The following MAGI2 variants were observed in gnomAD, a reference collection of about 807,000 sequenced individuals.
MAGI2 encodes the protein membrane-associated guanylate kinase, WW and PDZ domain-containing protein 2.
In MAGI2, 35 loss-of-function variants were observed where a neutral mutation model predicts 133.3. The ratio of observed to expected loss-of-function variants is 0.26; its 90% confidence interval spans 0.20 to 0.35. The LOEUF is 0.35. Among genes scored for constraint, MAGI2 ranks in the 10% least tolerant of loss-of-function variants. MAGI2 has a pLI of 1.00. For missense variants in MAGI2, 1,636 were observed against 1,863.4 expected (o/e 0.88, Z 2.25); for synonymous variants, 729 against 710.6 (o/e 1.03, Z -0.41).
At chr7:78,509,527 G>A (rs1795389914) in intron 4 of MAGI2, 1 of 152,190 alleles carries the variant, frequency 6.6e-6, no homozygotes, top group South Asian at 2.1e-4. Context: ...ATAAATGTAT[G>A]TATTTGTGCA....
intron 10 of MAGI2, among the ~76,000 whole-genome samples, chr7:78,246,534 C>T (rs1791808250): frequency 6.6e-6 from 1 of 152,092 alleles, no homozygotes. Flanking sequence ...AAACCAGCCC[C>T]TTAGAGTCTG....
intron 2 of MAGI2, among the ~76,000 whole-genome samples, chr7:78,637,382 A>T (rs1276532436): frequency 6.6e-6 from 1 of 152,134 alleles, no homozygotes; most frequent in African/African-American, 2.4e-5. Flanking sequence ...ATTGGGAAAG[A>T]CTTAGGAGCT....
chr7:78,377,783 T>G (rs1030918020), intron 6 of MAGI2, among the ~76,000 whole-genome samples: 1 of 150,586 alleles, frequency 6.6e-6, no homozygotes, highest in South Asian at 2.1e-4. Flanking sequence ...TTTGCTTACA[T>G]GAAACTGTTA....
intron 6 of MAGI2, among the ~76,000 whole-genome samples, chr7:78,436,883 A>G (rs575511379): frequency 6.6e-6 from 1 of 152,196 alleles, no homozygotes; most frequent in Non-Finnish European, 1.5e-5. Context: ...GGGCCTGGGT[A>G]GTTAGGCTGG....
chr7:78,907,786 G>A (rs958224355), intron 2 of MAGI2, among the ~76,000 whole-genome samples: 10 of 152,094 alleles, frequency 6.6e-5, no homozygotes, highest in Non-Finnish European at 1.0e-4. Flanking sequence ...GAGATAAACC[G>A]TGTCTAATAA....
chr7:78,042,492 G>A (rs1810962484), intron 21 of MAGI2, among the ~76,000 whole-genome samples: 1 of 152,172 alleles, frequency 6.6e-6, no homozygotes, highest in East Asian at 1.9e-4. Context: ...GGCTATTGTA[G>A]TACAGGGTTT....
intron 1 of MAGI2, among the ~76,000 whole-genome samples, chr7:79,222,739 A>G (rs1830531656): frequency 6.6e-6 from 1 of 151,976 alleles, no homozygotes; most frequent in African/African-American, 2.4e-5. Context: ...TAAAGATTTT[A>G]TTTGCTAGGA....
At chr7:78,984,183 C>T (rs1020853720) in intron 2 of MAGI2, among the ~76,000 whole-genome samples, 1 of 151,980 alleles carries the variant, frequency 6.6e-6, no homozygotes, top group Non-Finnish European at 1.5e-5. Flanking sequence ...ATCTGACCAC[C>T]TCCACTGTTG....
chr7:79,399,075 A>G (rs996606846), intron 1 of MAGI2, among the ~76,000 whole-genome samples: 3 of 113,040 alleles, frequency 2.7e-5, no homozygotes, highest in Non-Finnish European at 5.2e-5. Flanking sequence ...CACTAGTATT[A>G]TTTCTTTTTT....
At chr7:78,468,893 C>T (rs1035499935) in intron 6 of MAGI2, among the ~76,000 whole-genome samples, 7 of 152,184 alleles carry the variant, frequency 4.6e-5, no homozygotes, top group African/African-American at 9.6e-5. Context: ...AAATCACACA[C>T]GGGTGGGCAG....
intron 2 of MAGI2, among the ~76,000 whole-genome samples, chr7:78,836,122 T>C (rs1479190218): frequency 6.6e-6 from 1 of 152,212 alleles, no homozygotes; most frequent in Non-Finnish European, 1.5e-5. Context: ...GATGTGTTGG[T>C]AACTAACTCC....
intron 9 of MAGI2, among the ~76,000 whole-genome samples, chr7:78,300,261 A>G (rs887047481): frequency 6.6e-6 from 1 of 152,194 alleles, no homozygotes; most frequent in African/African-American, 2.4e-5. Context: ...ACTATATCAC[A>G]AATTTGTGTT....
Position 78,858,433 on chromosome 7 carries a change from T to C in MAGI2, c.418+148657A>G, listed in dbSNP as rs984673022. On this transcript the variant is annotated intron_variant, in intron 2 of 21. Transcript: ENST00000354212. ...TACACACTGCTTTAAATGTGTCCCA[T>C]AGATTCTGGTATGTTGTGTCTTTGT... 3.3e-5 allele frequency among the ~76,000 whole-genome samples: 5 copies of C among 152,084 alleles called. No individual in the cohort carries two copies. In the East Asian group the frequency reaches 7.7e-4, roughly 23 times the overall value.
At chr7:78,054,746 A>G (rs548847636) in intron 21 of MAGI2, among the ~76,000 whole-genome samples, 166 of 151,828 alleles carry the variant, frequency 1.1e-3, no homozygotes, top group Non-Finnish European at 1.8e-3. Flanking sequence ...TGCAGCCTCA[A>G]CCTTGTGGGC....
chr7:78,956,276 T>A (rs1297482818), intron 2 of MAGI2, among the ~76,000 whole-genome samples: 2 of 152,156 alleles, frequency 1.3e-5, no homozygotes, highest in Non-Finnish European at 2.9e-5. Context: ...ATTTGCATTA[T>A]GTTAATAAAT....
chr7:78,730,129 AAAT>A (rs1166984606), intron 2 of MAGI2, among the ~76,000 whole-genome samples: 1 of 152,196 alleles, frequency 6.6e-6, no homozygotes, highest in Non-Finnish European at 1.5e-5. Context: ...TTATTATTCC[AAAT>A]AATTAAAAAT....
At chr7:78,490,653 T>C (rs1415404293) in intron 5 of MAGI2, among the ~76,000 whole-genome samples, 1 of 152,114 alleles carries the variant, frequency 6.6e-6, no homozygotes, top group Non-Finnish European at 1.5e-5. Flanking sequence ...CAAAGAACTA[T>C]CAAATAAGAA....
intron 2 of MAGI2, among the ~76,000 whole-genome samples, chr7:78,684,560 G>GAT (rs1432127022): frequency 6.6e-6 from 1 of 152,048 alleles, no homozygotes; most frequent in Non-Finnish European, 1.5e-5. Flanking sequence ...AACACTTATG[G>GAT]ATATAATGTG....
intron 2 of MAGI2, among the ~76,000 whole-genome samples, chr7:78,724,996 G>A (rs1324054770): frequency 6.6e-6 from 1 of 152,154 alleles, no homozygotes; most frequent in Non-Finnish European, 1.5e-5. Context: ...GAGGAACTAG[G>A]AATAACAAAT....
Sources: allele counts gnomAD v4.1 joint callset (sites outside exome capture counted in the v4.1 genomes callset), GRCh38; gene constraint gnomAD v4.1.1; transcripts MANE v1.5; gene names NCBI Gene and HGNC (gene_info 2026-07-23, HGNC 2026-07-21).